ADAMTS9: variants seen among roughly 807,000 people sequenced by gnomAD.
ADAMTS9 encodes A disintegrin and metalloproteinase with thrombospondin motifs 9.
Under a neutral mutation model 257.1 loss-of-function variants are expected in ADAMTS9, and 107 were observed. The ratio of observed to expected loss-of-function variants is 0.42; its 90% CI spans 0.36 to 0.49. The LOEUF (loss-of-function observed/expected upper bound fraction) is 0.49. ADAMTS9 is among the 20% of genes least tolerant of loss of function. The pLI is 0.03. For missense variants in ADAMTS9, 2,353 were observed against 2,469.1 expected (o/e 0.95, Z 1.00); for synonymous variants, 982 against 880.9 (o/e 1.11, Z -2.03).
intron 32 of ADAMTS9, among the ~76,000 whole-genome samples, chr3:64,544,234 T>C (rs1175420850): frequency 6.6e-6 from 1 of 152,138 alleles, no homozygotes; most frequent in African/African-American, 2.4e-5. Context: ...AAGCTACCAA[T>C]GCCTTTCTTC....
At chr3:64,534,915 G>T (rs1822439) in intron 37 of ADAMTS9, among the ~76,000 whole-genome samples, 4,891 of 152,102 alleles carry the variant, frequency 0.032, 276 homozygotes, top group African/African-American at 0.11. Flanking sequence ...TGGTACAAAG[G>T]GTAGATTTAC....
At chr3:64,639,960 C>A (rs1576149794) in intron 12 of ADAMTS9, among the ~76,000 whole-genome samples, 2 of 152,240 alleles carry the variant, frequency 1.3e-5, no homozygotes, top group Admixed American at 1.3e-4. Flanking sequence ...GATTATTTCT[C>A]ATGGGGAGTA....
chr3:64,569,296 G>A (rs2083619959), intron 28 of ADAMTS9, among the ~76,000 whole-genome samples: 1 of 152,198 alleles, frequency 6.6e-6, no homozygotes, highest in Non-Finnish European at 1.5e-5. Flanking sequence ...TGGCCCCAGT[G>A]AGTGTGCTGA....
intron 2 of ADAMTS9, chr3:64,685,175 C>A (rs1035066830): frequency 6.6e-6 from 1 of 152,288 alleles, no homozygotes; most frequent in Non-Finnish European, 1.5e-5. Flanking sequence ...GGGTTTATCC[C>A]TTTCCTTGAA....
chr3:64,627,319 T>C (rs557469172), intron 16 of ADAMTS9, among the ~76,000 whole-genome samples: 1 of 152,102 alleles, frequency 6.6e-6, no homozygotes, highest in African/African-American at 2.4e-5. Flanking sequence ...ACAAATGATA[T>C]CGGATTCCTC....
At chr3:64,549,736 C>A (rs1437040628) in intron 31 of ADAMTS9, among the ~76,000 whole-genome samples, 1 of 152,188 alleles carries the variant, frequency 6.6e-6, no homozygotes, top group Non-Finnish European at 1.5e-5. Context: ...CACCTTCCAA[C>A]CCTGGCCAGT....
chr3:64,522,393 A>C, intron 38 of ADAMTS9, 133 bp from the exon 39 acceptor site: 2 of 709,892 alleles, frequency 2.8e-6, no homozygotes, highest in South Asian at 2.0e-5. Flanking sequence ...CAACATACTC[A>C]CCATGGTCTA....
chr3:64,564,548 G>A (rs1163039204), intron 29 of ADAMTS9, among the ~76,000 whole-genome samples: 1 of 151,852 alleles, frequency 6.6e-6, no homozygotes, highest in African/African-American at 2.4e-5. Flanking sequence ...ATATGCTAGG[G>A]TTTCTATACT....
chr3:64,643,244 A>G (rs1700701384), intron 11 of ADAMTS9, among the ~76,000 whole-genome samples: 1 of 152,144 alleles, frequency 6.6e-6, no homozygotes, highest in South Asian at 2.1e-4. Context: ...ATATACATAT[A>G]AAAATAAATG....
chr3:64,681,000 G>T (rs1035823591), intron 3 of ADAMTS9, among the ~76,000 whole-genome samples: 1 of 152,144 alleles, frequency 6.6e-6, no homozygotes, highest in Non-Finnish European at 1.5e-5. Flanking sequence ...TCTTAGCTGT[G>T]CACCTTAGAC....
At chr3:64,664,322 T>G (rs1418087138) in intron 3 of ADAMTS9, among the ~76,000 whole-genome samples, 1 of 152,156 alleles carries the variant, frequency 6.6e-6, no homozygotes, top group Admixed American at 6.5e-5. Context: ...AAGTATGAAG[T>G]TCAGTGGTTT....
At chr3:64,611,663 G>A (rs913062425) in intron 22 of ADAMTS9, among the ~76,000 whole-genome samples, 2 of 152,138 alleles carry the variant, frequency 1.3e-5, no homozygotes, top group African/African-American at 2.4e-5. Flanking sequence ...AGATCTCACA[G>A]TTCACAATAC....
intron 28 of ADAMTS9, chr3:64,587,868 A>C (rs2084188769): frequency 6.6e-6 from 1 of 152,166 alleles, no homozygotes; most frequent in African/African-American, 2.4e-5. Context: ...ACATCTTTTA[A>C]TTGGTACCCA....
At chr3:64,637,176 CT>C (rs1700522279) in intron 12 of ADAMTS9, among the ~76,000 whole-genome samples, 1 of 152,164 alleles carries the variant, frequency 6.6e-6, no homozygotes, top group Non-Finnish European at 1.5e-5. Flanking sequence ...AGATTGCTGC[CT>C]GATTTACATG....
chr3:64,588,823 A>G (rs1004601966), intron 28 of ADAMTS9: 3 of 152,218 alleles, frequency 2.0e-5, no homozygotes, highest in African/African-American at 7.2e-5. Context: ...AAGCCTGCTA[A>G]GTTTTGTCTC....
intron 11 of ADAMTS9, among the ~76,000 whole-genome samples, chr3:64,642,770 G>C (rs1436007023): frequency 6.6e-6 from 1 of 152,228 alleles, no homozygotes; most frequent in African/African-American, 2.4e-5. Context: ...GGCCACAGGA[G>C]GGTGACGCCC....
intron 6 of ADAMTS9, among the ~76,000 whole-genome samples, chr3:64,655,000 T>G (rs1429476285): frequency 6.6e-6 from 1 of 152,204 alleles, no homozygotes; most frequent in Non-Finnish European, 1.5e-5. Context: ...ACAATTGAGA[T>G]GGCAGGAGGT....
chr3:64,620,336 A>G (rs1473828854), intron 19 of ADAMTS9, among the ~76,000 whole-genome samples: 1 of 152,194 alleles, frequency 6.6e-6, no homozygotes, highest in Non-Finnish European at 1.5e-5. Flanking sequence ...GGAGCCTTCA[A>G]AGTGCTTAAG....
At chr3:64,566,863 A>G (rs17071094) in intron 29 of ADAMTS9, among the ~76,000 whole-genome samples, 1,537 of 149,512 alleles carry the variant, frequency 0.01, 32 homozygotes, top group African/African-American at 0.034. Flanking sequence ...AATAGCTCCA[A>G]AAAAAAAAAG....
Sources: allele counts gnomAD v4.1 joint callset (sites outside exome capture counted in the v4.1 genomes callset), GRCh38; gene constraint gnomAD v4.1.1; transcripts MANE v1.5; gene names NCBI Gene and HGNC (gene_info 2026-07-23, HGNC 2026-07-21).